Variants in DLEU7 observed in about 807,000 individuals in gnomAD.
The protein encoded by DLEU7 is deleted in lymphocytic leukemia 7.
A neutral mutation model predicts 16.0 loss-of-function variants in DLEU7; 17 were observed. The ratio of observed to expected loss-of-function variants is 1.06; its 90% confidence interval spans 0.73 to 1.59. The LOEUF is 1.59. Among genes scored for constraint, DLEU7 ranks in the 40% most tolerant of loss-of-function variants. The pLI, the probability that DLEU7 is intolerant of heterozygous loss-of-function variation, is 0.00. For missense variants in DLEU7, 308 were observed against 314.9 expected, an observed-to-expected ratio of 0.98 and a Z score of 0.17; for synonymous variants, 113 against 139.8, an observed-to-expected ratio of 0.81 and a Z score of 1.35.
chr13:50,810,500 G>A (rs560687968), intron 1 of DLEU7, among the ~76,000 whole-genome samples: 1 of 152,240 alleles, frequency 6.6e-6, no homozygotes, highest in Non-Finnish European at 1.5e-5. Context: ...AAGGATAAAA[G>A]CCTCAAAATA....
intron 1 of DLEU7, among the ~76,000 whole-genome samples, chr13:50,766,749 T>C (rs1875124305): frequency 6.6e-6 from 1 of 152,176 alleles, no homozygotes; most frequent in Non-Finnish European, 1.5e-5. Context: ...CTTATGCCTA[T>C]AATTAAAGAA....
intron 1 of DLEU7, among the ~76,000 whole-genome samples, chr13:50,722,539 A>T (rs1011086607): frequency 4.6e-5 from 7 of 152,320 alleles, no homozygotes; most frequent in Middle Eastern, 3.4e-3. Context: ...ACATTAAATT[A>T]AAAAAATTCA....
intron 1 of DLEU7, among the ~76,000 whole-genome samples, chr13:50,745,305 G>A (rs957591377): frequency 6.6e-6 from 1 of 152,130 alleles, no homozygotes; most frequent in African/African-American, 2.4e-5. Flanking sequence ...AAATAAACTG[G>A]TCACAGAAAA....
At chr13:50,808,941 A>T (rs189619834) in intron 1 of DLEU7, among the ~76,000 whole-genome samples, 4 of 152,248 alleles carry the variant, frequency 2.6e-5, no homozygotes, top group Admixed American at 2.6e-4. Flanking sequence ...AGAGAGAAAC[A>T]ACTATGGTGT....
chr13:50,812,157 G>A (rs951384968), intron 1 of DLEU7, among the ~76,000 whole-genome samples: 7 of 151,682 alleles, frequency 4.6e-5, no homozygotes, highest in East Asian at 3.9e-4. Flanking sequence ...ACTGATTTAC[G>A]GTATTTTTTT....
At chr13:50,753,349 G>A (rs1874640825) in intron 1 of DLEU7, among the ~76,000 whole-genome samples, 1 of 152,246 alleles carries the variant, frequency 6.6e-6, no homozygotes, top group Non-Finnish European at 1.5e-5. Context: ...TGGGCGCCCT[G>A]GAGCAGGGGG....
rs1289824742 is a variant in DLEU7, at chr13:50,843,033, T to TC, written c.459+154dup. Among the ~76,000 whole-genome samples the TC allele has an allele frequency of 6.6e-6, 1 of 151,960 alleles. No individual in the cohort carries two copies. Among genetic ancestry groups the TC allele is most frequent in the African/African-American group, 2.4e-5 (1 of 41,378 alleles). ...CCCCTCCTGCTGAGTCCCCAGAGTGTCCCCCGCCCCCTTCCTTCTCCCACT... is the reference window on the plus strand; with the variant it reads ...CCCCTCCTGCTGAGTCCCCAGAGTGTCCCCCCGCCCCCTTCCTTCTCCCACT... On this transcript the variant is annotated intron_variant, in intron 1 of 1. Transcript: ENST00000504404. The surrounding 1 kb of genome is among the most constrained non-coding windows in gnomAD (Gnocchi z 5.7).
downstream of DLEU7, chr13:50,818,672 G>T (rs1876805030): frequency 1.3e-5 from 2 of 152,178 alleles, no homozygotes; most frequent in Middle Eastern, 6.8e-3. Flanking sequence ...ATTCTCTTAT[G>T]GTTCTGAAGA....
At chr13:50,809,435 C>T (rs1203735392) in intron 1 of DLEU7, among the ~76,000 whole-genome samples, 1 of 152,142 alleles carries the variant, frequency 6.6e-6, no homozygotes, top group Non-Finnish European at 1.5e-5. Flanking sequence ...TGACGCCGGA[C>T]ATAATGGCCC....
chr13:50,711,769 T>C (rs1641282), downstream of DLEU7: 83,436 of 130,690 alleles, frequency 0.64, 28,888 homozygotes, highest in African/African-American at 0.82. Flanking sequence ...AATGACCCAG[T>C]GGCGGGGGCG....
At chr13:50,818,753 C>A (rs1250293887), downstream of DLEU7, among the ~76,000 whole-genome samples, 5 of 152,142 alleles carry the variant, frequency 3.3e-5, no homozygotes, top group Admixed American at 6.6e-5. Flanking sequence ...TTGCTTCTGG[C>A]CTCTTTCAGC....
At chr13:50,766,086 C>A (rs1437875764) in intron 1 of DLEU7, among the ~76,000 whole-genome samples, 1 of 152,172 alleles carries the variant, frequency 6.6e-6, no homozygotes, top group East Asian at 1.9e-4. Context: ...GTTTCATTCC[C>A]CTTCCAAACA....
At chr13:50,719,100 G>T (rs1277622701) in intron 1 of DLEU7, among the ~76,000 whole-genome samples, 1 of 152,136 alleles carries the variant, frequency 6.6e-6, no homozygotes, top group Non-Finnish European at 1.5e-5. Context: ...TCTTTATTTT[G>T]AATTTGGGAA....
At chr13:50,737,378 G>A (rs2492349) in intron 1 of DLEU7, among the ~76,000 whole-genome samples, 4,116 of 152,074 alleles carry the variant, frequency 0.027, 182 homozygotes, top group African/African-American at 0.094. Flanking sequence ...TCACTTCATC[G>A]TGTTTCACAG....
intron 1 of DLEU7, among the ~76,000 whole-genome samples, chr13:50,816,315 G>A (rs1447730733): frequency 6.6e-6 from 1 of 152,050 alleles, no homozygotes; most frequent in African/African-American, 2.4e-5. Flanking sequence ...TTAATGCAAT[G>A]TGAGTGTAAA....
intron 1 of DLEU7, among the ~76,000 whole-genome samples, chr13:50,836,698 AAAAG>A (rs967353199): frequency 3.8e-4 from 58 of 152,162 alleles, no homozygotes; most frequent in African/African-American, 1.3e-3. Context: ...AGGAAAGAAA[AAAAG>A]AAAGAGAGAA....
downstream of DLEU7, among the ~76,000 whole-genome samples, chr13:50,822,280 T>TAGAAATATTAACACTAC (rs1455391065): frequency 2.0e-5 from 3 of 152,190 alleles, no homozygotes; most frequent in Admixed American, 6.6e-5. Context: ...ATTAACACCT[T>TAGAAATATTAACACTAC]AGAAATAGTA....
At chr13:50,723,563 T>A (rs1873679399) in intron 1 of DLEU7, among the ~76,000 whole-genome samples, 1 of 152,074 alleles carries the variant, frequency 6.6e-6, no homozygotes, top group Admixed American at 6.6e-5. Flanking sequence ...GTGACTGTGG[T>A]TGGGTTCTGG....
At chr13:50,766,052 A>T (rs547684100) in intron 1 of DLEU7, among the ~76,000 whole-genome samples, 3 of 152,278 alleles carry the variant, frequency 2.0e-5, no homozygotes, top group African/African-American at 7.2e-5. Flanking sequence ...AGAGAAAAGG[A>T]TGCGTGTAGC....
Sources: gnomAD v4.1 joint callset for allele counts (sites outside exome capture counted in the v4.1 genomes callset) on GRCh38, gnomAD v4.1.1 for gene constraint, Gnocchi (gnomAD v3.1) non-coding constraint, MANE v1.5 for transcripts, NCBI Gene and HGNC (gene_info 2026-07-23, HGNC 2026-07-21) for gene names.